Variants in UBE4B observed in about 807,000 individuals in gnomAD.
UBE4B encodes ubiquitination factor E4B, also known as ubiquitin conjugation factor E4 B.
In UBE4B, 27 loss-of-function variants were observed where a neutral mutation model predicts 148.1. The ratio of observed to expected loss-of-function variants is 0.18; its 90% CI spans 0.13 to 0.25. UBE4B has a LOEUF of 0.25. Ranked by LOEUF, UBE4B falls within the 10% of genes least tolerant of loss-of-function variation. The probability of loss-of-function intolerance (pLI) is 1.00; values close to 1 mark genes in which losing one functional copy is unlikely to be tolerated. For missense variants in UBE4B, 1,170 were observed against 1,662.4 expected (o/e 0.70, Z 5.15); for synonymous variants, 596 against 619.3 (o/e 0.96, Z 0.56).
At chr1:10,090,232 C>G (rs779980732) in intron 2 of UBE4B, among the ~76,000 whole-genome samples, 17 of 152,002 alleles carry the variant, frequency 1.1e-4, no homozygotes, top group Non-Finnish European at 2.1e-4. Context: ...TGACCCACCC[C>G]CCTCAGCTTC....
intron 26 of UBE4B, 68 bp downstream of exon 26, chr1:10,178,886 G>C: frequency 1.3e-6 from 2 of 1,487,202 alleles, no homozygotes; most frequent in Non-Finnish European, 1.8e-6. Context: ...CATTACAAGA[G>C]GACGTCCTGT....
At position 10,132,417 on chromosome 1, in the gene UBE4B, C is replaced by A; in HGVS notation, c.1960C>A (p.Arg654Ser). The A allele has an allele frequency of 6.2e-7, 1 of 1,614,116 alleles. No individual in the cohort carries two copies. Reference protein sequence around the residue: ...LHSILLNGETREAALSYMAAV... With the variant: ...LHSILLNGETSEAALSYMAAV... ...TAGTATTTTGTTAAATGGCGAAACC[C>A]GTGAGGCTGCTCTCAGTTACATGGC... is the stretch of plus-strand genomic sequence containing the variant. Residue 654 changes from arginine (R) to serine (S), a missense_variant, in exon 15 of 28, where the codon CGT becomes AGT. By Grantham distance (110) the Arg-to-Ser change is moderately radical. This residue lies in a region of UBE4B where 388 missense variants were observed against 536.0 expected (regional missense o/e 0.72). Coordinates refer to ENST00000343090, the MANE Select transcript of UBE4B (RefSeq NM_001105562.3).
chr1:10,091,902 G>A (rs994326594), intron 2 of UBE4B, among the ~76,000 whole-genome samples: 4 of 151,818 alleles, frequency 2.6e-5, no homozygotes, highest in East Asian at 1.9e-4. Context: ...CACTGCGCCC[G>A]GACTACCTGA....
chr1:10,108,750 T>C (rs192512361), intron 7 of UBE4B, among the ~76,000 whole-genome samples: 1 of 152,232 alleles, frequency 6.6e-6, no homozygotes, highest in African/African-American at 2.4e-5. Context: ...TGTATTACGC[T>C]GAACATTTTA....
intron 7 of UBE4B, among the ~76,000 whole-genome samples, chr1:10,111,065 A>ACACAC (rs942438925): frequency 3.4e-5 from 5 of 147,752 alleles, no homozygotes; most frequent in Admixed American, 3.4e-4. Flanking sequence ...ACACACACAC[A>ACACAC]CACACACACA....
chr1:10,071,112 G>A (rs1343592584), intron 1 of UBE4B, among the ~76,000 whole-genome samples: 1 of 151,942 alleles, frequency 6.6e-6, no homozygotes, highest in Non-Finnish European at 1.5e-5. Flanking sequence ...TCACCATGTT[G>A]GTCAGGCTGT....
In UBE4B at chr1:10,179,964, C is replaced by G. The variant is rs767229317; in HGVS notation, c.*8C>G. 6.2e-7 allele frequency: 1 copy of G among 1,613,906 alleles called. No individual in the cohort carries two copies. The highest frequency in any genetic ancestry group is 1.1e-5 in the South Asian group (1 of 91,078). On this transcript the variant is annotated 3_prime_UTR_variant, in exon 28 of 28. Coordinates refer to ENST00000343090, the MANE Select transcript of UBE4B (RefSeq NM_001105562.3). Reference sequence around the variant, plus strand: ...CAGAACAGCGATCACTAAACCGTTCCGCCGCCCACCCTCTGCTAGACACAG... The same window carrying G: ...CAGAACAGCGATCACTAAACCGTTCGGCCGCCCACCCTCTGCTAGACACAG...
At chr1:10,175,755 T>C (rs1216202106) in intron 25 of UBE4B, among the ~76,000 whole-genome samples, 2 of 152,188 alleles carry the variant, frequency 1.3e-5, no homozygotes, top group Non-Finnish European at 2.9e-5. Context: ...AATTGCTCCC[T>C]CCTCTAACCT....
intron 1 of UBE4B, among the ~76,000 whole-genome samples, chr1:10,039,548 G>C (rs931250176): frequency 6.6e-6 from 1 of 151,878 alleles, no homozygotes; most frequent in East Asian, 1.9e-4. Context: ...TCCTGCCTCA[G>C]CCTCCCAAGT....
At chr1:10,126,302 TATAGATAGATAGATAGATAGATAGATAG>T (rs71583842) in intron 10 of UBE4B, among the ~76,000 whole-genome samples, 24 of 147,256 alleles carry the variant, frequency 1.6e-4, no homozygotes, top group African/African-American at 5.8e-4. Flanking sequence ...TCCGTCTCAA[TATAGATAGATAGATAGATAGATAGATAG>T]ATAGATAGAT....
At position 10,164,212 on chromosome 1, in the gene UBE4B, G is replaced by A. The variant is rs558228515; in HGVS notation, c.3198+2926G>A. On this transcript the variant is annotated intron_variant, in intron 23 of 27. Coordinates refer to ENST00000343090, the MANE Select transcript of UBE4B (RefSeq NM_001105562.3). ...AAAATTTAGCCAGGCATGGTGACAG[G>A]TGCCTGTAATCCCAGCTATTTGGAA... Among the ~76,000 whole-genome samples the A allele has an allele frequency of 2.5e-4, 38 of 152,166 alleles. 1 individual carries two copies. The South Asian group carries it at 7.0e-3, about 28-fold the overall frequency.
intron 2 of UBE4B, among the ~76,000 whole-genome samples, chr1:10,091,537 T>C (rs1046132172): frequency 3.9e-5 from 6 of 152,110 alleles, no homozygotes; most frequent in African/African-American, 1.4e-4. Context: ...TTCTAATTCC[T>C]GGGCTCAAGC....
intron 1 of UBE4B, among the ~76,000 whole-genome samples, chr1:10,035,021 C>T (rs999616777): frequency 2.6e-5 from 4 of 151,830 alleles, no homozygotes; most frequent in African/African-American, 9.7e-5. Flanking sequence ...TTTTTTGAGA[C>T]GGAGTCTTGC....
intron 7 of UBE4B, among the ~76,000 whole-genome samples, chr1:10,115,963 T>C (rs1645301254): frequency 6.6e-6 from 1 of 152,244 alleles, no homozygotes; most frequent in Non-Finnish European, 1.5e-5. Context: ...ATTTGGTCCA[T>C]CACAGAGTGA....
At chr1:10,050,856 A>G (rs1644026274) in intron 1 of UBE4B, among the ~76,000 whole-genome samples, 2 of 151,702 alleles carry the variant, frequency 1.3e-5, no homozygotes, top group African/African-American at 2.4e-5. Context: ...GTGAGCCACC[A>G]CAACCGGCCT....
chr1:10,052,908 A>G (rs943906162), intron 1 of UBE4B, among the ~76,000 whole-genome samples: 8 of 152,160 alleles, frequency 5.3e-5, no homozygotes, highest in African/African-American at 1.4e-4. Flanking sequence ...TTGAGAGCCA[A>G]CTTCTTGGTT....
chr1:10,163,160 G>A (rs1646193339), intron 23 of UBE4B: 1 of 152,084 alleles, frequency 6.6e-6, no homozygotes. Flanking sequence ...CTGGACTCAA[G>A]TGATCCTCCT....
At chr1:10,154,781 G>C (rs1001892122) in intron 21 of UBE4B, among the ~76,000 whole-genome samples, 2 of 151,682 alleles carry the variant, frequency 1.3e-5, no homozygotes, top group African/African-American at 2.4e-5. Flanking sequence ...GGCAGAGGTT[G>C]CAGTGAGCCA....
intron 1 of UBE4B, 67 bp downstream of exon 1, chr1:10,033,761 T>C (rs1643394350): frequency 6.2e-6 from 9 of 1,458,806 alleles, no homozygotes; most frequent in Non-Finnish European, 8.2e-6. Flanking sequence ...ACAGGGATGG[T>C]ATTGCGCCAG....
Sources: gnomAD v4.1 joint callset for allele counts (sites outside exome capture counted in the v4.1 genomes callset) on GRCh38, gnomAD v4.1.1 for gene constraint, gnomAD v4.1.1 regional missense constraint, MANE v1.5 for transcripts, NCBI Gene and HGNC (gene_info 2026-07-23, HGNC 2026-07-21) for gene names.